SMAD3: variants seen among roughly 807,000 people sequenced by gnomAD.
The protein encoded by SMAD3 is MAD homolog 3.
SMAD3 carries 12 observed loss-of-function variants against 51.8 expected under a neutral mutation model. That is an observed-to-expected ratio of 0.23 (90% CI 0.15 to 0.38). The LOEUF is 0.38. Among genes scored for constraint, SMAD3 ranks in the 10% least tolerant of loss-of-function variants. The pLI, the probability that SMAD3 is intolerant of heterozygous loss-of-function variation, is 1.00. For synonymous variants in SMAD3, 238 were observed against 227.7 expected, an observed-to-expected ratio of 1.05 and a Z score of -0.41; for missense variants, 294 against 565.6, an observed-to-expected ratio of 0.52 and a Z score of 4.87.
chr15:67,190,567 T>A lies in SMAD3; in HGVS notation c.*31T>A. ...TCAAGTATGGTAGGGGAGGGCAGGCTTGGGGAAAATGGCCATGCAGGAGGT... is the reference window on the plus strand; with the variant it reads ...TCAAGTATGGTAGGGGAGGGCAGGCATGGGGAAAATGGCCATGCAGGAGGT... On this transcript the variant is annotated 3_prime_UTR_variant, in exon 9 of 9. Coordinates refer to ENST00000327367, the MANE Select transcript of SMAD3 (RefSeq NM_005902.4). 1 of 1,611,824 alleles carries A rather than the reference T, an allele frequency of 6.2e-7. No homozygotes were observed. Among genetic ancestry groups the A allele is most frequent in the Non-Finnish European group, 8.5e-7 (1 of 1,178,378 alleles).
intron 1 of SMAD3, among the ~76,000 whole-genome samples, chr15:67,103,444 C>T (rs1211474810): frequency 6.6e-6 from 1 of 152,228 alleles, no homozygotes. Flanking sequence ...ACGATGCAAA[C>T]ATGAGTTATT....
At chr15:67,067,830 G>T (rs1351440739) in intron 1 of SMAD3, among the ~76,000 whole-genome samples, 1 of 152,124 alleles carries the variant, frequency 6.6e-6, no homozygotes, top group Non-Finnish European at 1.5e-5. Context: ...GTGATGTGAT[G>T]GTCAGAGAGA....
At chr15:67,168,207 G>A (rs1962643998) in intron 4 of SMAD3, among the ~76,000 whole-genome samples, 2 of 152,172 alleles carry the variant, frequency 1.3e-5, no homozygotes, top group East Asian at 1.9e-4. Context: ...TGCCCGCTTC[G>A]ACCTCCCAAA....
chr15:67,136,328 C>CTTTTTTTTTTTTTTT (rs11355676), intron 1 of SMAD3, among the ~76,000 whole-genome samples: 6 of 137,120 alleles, frequency 4.4e-5, no homozygotes, highest in Non-Finnish European at 4.8e-5. Flanking sequence ...GTCAGTCATT[C>CTTTTTTTTTTTTTTT]TTTTTTTTTT....
intron 1 of SMAD3, among the ~76,000 whole-genome samples, chr15:67,074,923 T>C (rs1390060574): frequency 6.6e-6 from 1 of 152,196 alleles, no homozygotes; most frequent in African/African-American, 2.4e-5. Flanking sequence ...TGGCTTTGCC[T>C]TTGAAACCTA....
At chr15:67,077,255 A>G (rs1049858936) in intron 1 of SMAD3, among the ~76,000 whole-genome samples, 1 of 152,080 alleles carries the variant, frequency 6.6e-6, no homozygotes, top group Admixed American at 6.5e-5. Flanking sequence ...GTATGTATGT[A>G]TGTATTTATT....
intron 1 of SMAD3, among the ~76,000 whole-genome samples, chr15:67,162,494 C>T (rs567248063): frequency 3.3e-5 from 5 of 152,348 alleles, no homozygotes; most frequent in Admixed American, 2.6e-4. Context: ...CAGAGTTCCA[C>T]AGGGCCTGTC....
At chr15:67,134,269 G>C (rs1163067726) in intron 1 of SMAD3, among the ~76,000 whole-genome samples, 2 of 152,094 alleles carry the variant, frequency 1.3e-5, no homozygotes, top group Non-Finnish European at 2.9e-5. Context: ...AATTGGCCTG[G>C]GGTTAATGAG....
chr15:67,129,509 C>T (rs1249223518), intron 1 of SMAD3, among the ~76,000 whole-genome samples: 1 of 152,136 alleles, frequency 6.6e-6, no homozygotes, highest in Non-Finnish European at 1.5e-5. Context: ...TAATCTCTTA[C>T]TGTGCCTAAT....
chr15:67,152,294 A>G (rs934494715), intron 1 of SMAD3, among the ~76,000 whole-genome samples: 17 of 152,302 alleles, frequency 1.1e-4, no homozygotes, highest in African/African-American at 4.1e-4. Flanking sequence ...TTTCTGTCCT[A>G]TGGGTTATTT....
chr15:67,178,283 T>G lies in SMAD3; in HGVS notation c.659-2958T>G, dbSNP rs181307703. Among the ~76,000 whole-genome samples the G allele has an allele frequency of 3.9e-5, 6 of 152,256 alleles. No homozygotes were observed. The East Asian group carries it at 1.2e-3, about 29-fold the overall frequency. On this transcript the variant is annotated intron_variant, in intron 5 of 8. Transcript: ENST00000327367. ...AATGGGTGGCCTGCCAGCTTTTTCT[T>G]TTTTTGAATGGTGGGCTGGGTTGCC...
At chr15:67,135,801 T>C (rs1337165455) in intron 1 of SMAD3, among the ~76,000 whole-genome samples, 9 of 152,194 alleles carry the variant, frequency 5.9e-5, no homozygotes, top group Non-Finnish European at 1.3e-4. Flanking sequence ...TATAAAAACG[T>C]GAAACATTTG....
intron 1 of SMAD3, among the ~76,000 whole-genome samples, chr15:67,070,488 A>T (rs1378087740): frequency 3.9e-5 from 6 of 151,914 alleles, no homozygotes; most frequent in African/African-American, 1.2e-4. Context: ...ATTGATATTT[A>T]TTGGACCCTC....
rs1168266977 is a variant in SMAD3, at chr15:67,194,463, C to G, written c.*3927C>G. ...AGAAAAGAAACTTGCCTCATGTAAA[C>G]TGGATTGAGAAATTCTCAGTGATTC... On this transcript the variant is annotated 3_prime_UTR_variant, in exon 9 of 9. Transcript: ENST00000327367. The G allele has an allele frequency of 4.3e-6, 1 of 233,080 alleles. No homozygotes were observed. The highest frequency in any genetic ancestry group is 8.5e-6 in the Non-Finnish European group (1 of 117,988). The allele number at this position is 233,080 out of a possible 1,614,324, so 14.4% of individuals were successfully genotyped here.
chr15:67,083,967 A>G (rs1039042234), intron 1 of SMAD3, among the ~76,000 whole-genome samples: 3 of 152,090 alleles, frequency 2.0e-5, no homozygotes, highest in Admixed American at 6.5e-5. Context: ...TGGGGAAGTC[A>G]ACTTGACTTC....
At chr15:67,070,644 C>G (rs1960031933) in intron 1 of SMAD3, among the ~76,000 whole-genome samples, 2 of 150,010 alleles carry the variant, frequency 1.3e-5, no homozygotes, top group Non-Finnish European at 3.0e-5. Flanking sequence ...CTTTCTCATT[C>G]CCAGCTACCA....
intron 5 of SMAD3, among the ~76,000 whole-genome samples, chr15:67,173,180 A>G (rs376136212): frequency 9.3e-4 from 141 of 152,270 alleles, no homozygotes; most frequent in African/African-American, 3.2e-3. Context: ...CGCTCAGTCA[A>G]CATTGGCTGA....
rs145437241 is a variant in SMAD3 at position 67,093,201 on chromosome 15, C to T, written c.206+26841C>T. Reference sequence around the variant, plus strand: ...GGCTCCCTGAGCTTGCTGTGTATTCCGGGGCATATCCTTAACCTCTCTGAG... The same window carrying T: ...GGCTCCCTGAGCTTGCTGTGTATTCTGGGGCATATCCTTAACCTCTCTGAG... On this transcript the variant is annotated intron_variant, in intron 1 of 8. Coordinates refer to ENST00000327367, the MANE Select transcript of SMAD3 (RefSeq NM_005902.4). Among the ~76,000 whole-genome samples, 111 of 152,268 alleles carry T rather than the reference C, an allele frequency of 7.3e-4. 1 individual carries two copies. The highest frequency in any genetic ancestry group is 2.2e-3 in the African/African-American group (93 of 41,530).
chr15:67,134,460 G>C (rs1243228448), intron 1 of SMAD3, among the ~76,000 whole-genome samples: 12 of 152,134 alleles, frequency 7.9e-5, no homozygotes, highest in Non-Finnish European at 1.5e-5. Flanking sequence ...TTTCCCCAGT[G>C]GTGTGTGTGA....
Sources: gnomAD v4.1 joint callset for allele counts (sites outside exome capture counted in the v4.1 genomes callset) on GRCh38, gnomAD v4.1.1 for gene constraint, MANE v1.5 for transcripts, NCBI Gene and HGNC (gene_info 2026-07-23, HGNC 2026-07-21) for gene names.